The following FBXW11 variants were observed in gnomAD, a reference collection of about 807,000 sequenced individuals.
FBXW11 encodes F-box/WD repeat-containing protein 11.
FBXW11 carries 19 observed loss-of-function variants against 77.6 expected under a neutral mutation model. The observed-to-expected ratio is 0.24, with a 90% CI of 0.17 to 0.36. The LOEUF (loss-of-function observed/expected upper bound fraction) is 0.36, where lower values mean the gene tolerates loss of function less well. Among genes scored for constraint, FBXW11 ranks in the 10% least tolerant of loss-of-function variants. The pLI, the probability that FBXW11 is intolerant of heterozygous loss-of-function variation, is 1.00. For missense variants in FBXW11, 334 were observed against 704.2 expected (o/e 0.47, Z 5.95); for synonymous variants, 235 against 249.4 (o/e 0.94, Z 0.54).
In FBXW11 at chr5:171,999,897, A is replaced by C. The variant is rs1307801677; in HGVS notation, c.45+6561T>G. Among the ~76,000 whole-genome samples, 4 of 152,020 alleles carry C rather than the reference A, an allele frequency of 2.6e-5. No individual in the cohort carries two copies. The East Asian group carries it at 7.7e-4, about 29-fold the overall frequency. ...AGCTTTCCATTTTGTGAAGCTCTTC[A>C]TTGTTAACTCAACCTGAGAGGGAAT... On this transcript the variant is annotated intron_variant, in intron 1 of 13. Coordinates refer to ENST00000517395, the MANE Select transcript of FBXW11 (RefSeq NM_001378974.1).
intron 1 of FBXW11, chr5:171,996,771 C>T (rs548877572): frequency 3.7e-5 from 24 of 652,188 alleles, no homozygotes; most frequent in African/African-American, 2.5e-4. Context: ...TACGCACAAA[C>T]GTCTAATATT....
chr5:171,959,882 A>G (rs1473645407), intron 1 of FBXW11, among the ~76,000 whole-genome samples: 3 of 144,100 alleles, frequency 2.1e-5, no homozygotes, highest in Non-Finnish European at 3.1e-5. Context: ...GAAAAGAAAA[A>G]AAACCAGCAA....
chr5:171,892,151 T>A (rs1402935098), intron 6 of FBXW11, among the ~76,000 whole-genome samples: 1 of 152,218 alleles, frequency 6.6e-6, no homozygotes, highest in Non-Finnish European at 1.5e-5. Context: ...TTATCATTCA[T>A]GCAACATTTG....
chr5:171,900,400 T>C (rs899685556), intron 4 of FBXW11, among the ~76,000 whole-genome samples: 1 of 152,170 alleles, frequency 6.6e-6, no homozygotes, highest in Non-Finnish European at 1.5e-5. Flanking sequence ...TTTATATAAC[T>C]CTCACAGCAC....
intron 1 of FBXW11, among the ~76,000 whole-genome samples, chr5:171,994,503 T>C (rs1032501742): frequency 3.3e-5 from 5 of 152,226 alleles, no homozygotes; most frequent in African/African-American, 1.2e-4. Flanking sequence ...TTAGGAATGC[T>C]GAATCAGTAT....
chr5:171,893,699 G>A (rs1228556322), intron 6 of FBXW11, among the ~76,000 whole-genome samples: 4 of 152,172 alleles, frequency 2.6e-5, no homozygotes, highest in Admixed American at 2.0e-4. Context: ...ACTCTTGGCA[G>A]TAGTTACCAA....
At chr5:171,873,564 C>T (rs192191413) in intron 9 of FBXW11, among the ~76,000 whole-genome samples, 1 of 152,276 alleles carries the variant, frequency 6.6e-6, no homozygotes, top group Admixed American at 6.5e-5. Flanking sequence ...ATCATTTGAG[C>T]CCAGCAGGTT....
intron 7 of FBXW11, among the ~76,000 whole-genome samples, chr5:171,882,300 C>A (rs1168970266): frequency 2.6e-5 from 4 of 152,176 alleles, no homozygotes; most frequent in Admixed American, 2.6e-4. Flanking sequence ...CATGTGCACA[C>A]ACACAGCGAA....
intron 9 of FBXW11, 98 bp from the exon 10 acceptor site, chr5:171,873,088 A>T: frequency 1.1e-6 from 1 of 950,690 alleles, no homozygotes; most frequent in Admixed American, 2.3e-5. Context: ...TAATGACCCA[A>T]ATATGTGATT....
chr5:171,898,987 A>G lies in FBXW11; in HGVS notation c.714+17T>C, dbSNP rs758351946. On this transcript the variant is annotated intron_variant, in intron 6 of 13. Coordinates refer to ENST00000517395, the MANE Select transcript of FBXW11 (RefSeq NM_001378974.1). Reference sequence around the variant, plus strand: ...AAGAAACAAAGAGCCCATAAAACAGATAAATCATAAAGTTACCTCTATATC... The same window carrying G: ...AAGAAACAAAGAGCCCATAAAACAGGTAAATCATAAAGTTACCTCTATATC... 2.7e-6 allele frequency: 4 copies of G among 1,501,656 alleles called. No homozygotes were observed. Among genetic ancestry groups the G allele is most frequent in the Non-Finnish European group, 3.6e-6 (4 of 1,102,922 alleles). 93.0% of individuals were successfully genotyped at this position (1,501,656 alleles called of 1,614,324 possible). A position where few individuals can be genotyped will look rare whatever the true frequency, so the allele number is the denominator to read the frequency against.
chr5:171,954,757 T>C (rs544566153), intron 2 of FBXW11, among the ~76,000 whole-genome samples: 1 of 152,210 alleles, frequency 6.6e-6, no homozygotes, highest in South Asian at 2.1e-4. Flanking sequence ...AATGGCAACT[T>C]TTTTTTTCTA....
At chr5:171,893,283 C>T (rs1759482028) in intron 6 of FBXW11, among the ~76,000 whole-genome samples, 1 of 151,654 alleles carries the variant, frequency 6.6e-6, no homozygotes, top group African/African-American at 2.4e-5. Context: ...TCAGGAGATA[C>T]AAGGAGGTGC....
chr5:171,969,102 T>C (rs150868614), intron 1 of FBXW11, among the ~76,000 whole-genome samples: 2,837 of 151,956 alleles, frequency 0.019, 37 homozygotes, highest in Non-Finnish European at 0.03. Context: ...ACCCTGTCTC[T>C]ACTAAAAAAA....
chr5:171,970,587 CAA>C (rs1233232684), intron 1 of FBXW11, among the ~76,000 whole-genome samples: 2 of 152,140 alleles, frequency 1.3e-5, no homozygotes, highest in South Asian at 4.1e-4. Flanking sequence ...CATTTATTTT[CAA>C]AGACTTAACA....
chr5:171,909,554 T>G (rs1032163755), intron 4 of FBXW11, among the ~76,000 whole-genome samples: 1 of 152,210 alleles, frequency 6.6e-6, no homozygotes, highest in Non-Finnish European at 1.5e-5. Context: ...ATGCTGATAG[T>G]GGGGCAGGCT....
At chr5:171,895,415 A>T (rs1216196046) in intron 6 of FBXW11, among the ~76,000 whole-genome samples, 14 of 152,184 alleles carry the variant, frequency 9.2e-5, no homozygotes, top group Admixed American at 9.2e-4. Flanking sequence ...GGACAATGTT[A>T]ATATCAGGTT....
chr5:171,962,777 A>G (rs368082932), intron 1 of FBXW11, among the ~76,000 whole-genome samples: 2 of 152,214 alleles, frequency 1.3e-5, no homozygotes, highest in East Asian at 3.8e-4. Flanking sequence ...TCACTTGAAG[A>G]ACTCACAAAA....
At chr5:171,900,956 G>C (rs1430383316) in intron 4 of FBXW11, among the ~76,000 whole-genome samples, 1 of 152,164 alleles carries the variant, frequency 6.6e-6, no homozygotes, top group African/African-American at 2.4e-5. Context: ...TCCTGTGGCG[G>C]TAAGTATGTC....
intron 3 of FBXW11, among the ~76,000 whole-genome samples, chr5:171,913,814 CACAT>C (rs1554099732): frequency 1.9e-4 from 25 of 133,364 alleles, no homozygotes; most frequent in Non-Finnish European, 3.7e-4. Context: ...CAACCACACA[CACAT>C]ACACACACAC....
Sources: gnomAD v4.1 joint callset for allele counts (sites outside exome capture counted in the v4.1 genomes callset) on GRCh38, gnomAD v4.1.1 for gene constraint, MANE v1.5 for transcripts, NCBI Gene and HGNC (gene_info 2026-07-23, HGNC 2026-07-21) for gene names.